ADGRB2: variants seen among roughly 807,000 people sequenced by gnomAD.
The protein encoded by ADGRB2 is adhesion G protein-coupled receptor B2.
In ADGRB2, 47 loss-of-function variants were observed where a neutral mutation model predicts 178.7. The observed-to-expected ratio is 0.26, with a 90% confidence interval of 0.21 to 0.34. The LOEUF is 0.34. ADGRB2 is among the 10% of genes least tolerant of loss of function. The pLI is 1.00. For missense variants in ADGRB2, 1,584 were observed against 2,180.8 expected, an observed-to-expected ratio of 0.73 and a Z score of 5.45; for synonymous variants, 870 against 912.4, an observed-to-expected ratio of 0.95 and a Z score of 0.84.
chr1:31,739,153 T>C lies in ADGRB2; in HGVS notation c.2495+155A>G, dbSNP rs185489065. On this transcript the variant is annotated intron_variant, in intron 15 of 32. Transcript: ENST00000373658. Reference sequence around the variant, plus strand: ...GCCTCTGAGAGCAGTATGGATAAATTTGAGAAGCATGTGTCCAGAGCCAGG... The same window carrying C: ...GCCTCTGAGAGCAGTATGGATAAATCTGAGAAGCATGTGTCCAGAGCCAGG... 3.9e-4 allele frequency: 373 copies of C among 953,636 alleles called. No individual in the cohort carries two copies. In the Admixed American group the frequency reaches 8.0e-3, roughly 20 times the overall value. The allele number at this position is 953,636 out of a possible 1,614,324, so 59.1% of individuals were successfully genotyped here.
Position 31,764,075 on chromosome 1 carries a change from G to C in ADGRB2, c.-382C>G. On this transcript the variant is annotated 5_prime_UTR_variant, in exon 1 of 33. Transcript: ENST00000373658. This position sits in a 1 kb window ranked among gnomAD's most constrained non-coding sequence, Gnocchi z 7.3. The stretch of plus-strand genomic sequence containing the variant: ...CGCCGCGGAGCAGCGCGGGGCGGGC[G>C]GGCGGGCGGCGCCGGGCCGGGCGCG... 1 of 957,298 alleles carries C rather than the reference G, an allele frequency of 1.0e-6. No individual in the cohort carries two copies. Among genetic ancestry groups the C allele is most frequent in the Non-Finnish European group, 1.2e-6 (1 of 809,074 alleles). The allele number at this position is 957,298 out of a possible 1,614,324, so 59.3% of individuals were successfully genotyped here. A position where few individuals can be genotyped will look rare whatever the true frequency, so the allele number is the denominator to read the frequency against.
chr1:31,748,356 C>T (rs1315570702), intron 4 of ADGRB2, among the ~76,000 whole-genome samples: 1 of 152,232 alleles, frequency 6.6e-6, no homozygotes, highest in Non-Finnish European at 1.5e-5. Context: ...CCTGCCTGCC[C>T]CTCCATTCCC....
At chr1:31,748,619 A>G (rs1455904183) in intron 4 of ADGRB2, among the ~76,000 whole-genome samples, 1 of 152,240 alleles carries the variant, frequency 6.6e-6, no homozygotes, top group African/African-American at 2.4e-5. Context: ...GAGTACCCCC[A>G]AGAACTCCTG....
In ADGRB2 at chr1:31,754,437, T is replaced by C. The variant is rs537496819; in HGVS notation, c.838+1562A>G. On this transcript the variant is annotated intron_variant, in intron 4 of 32. Transcript: ENST00000373658. This position sits in a 1 kb window ranked among gnomAD's most constrained non-coding sequence, Gnocchi z 5.7. ...ACAGAGTGACAGGCAGTGGTGGCCA[T>C]GCAGGAAGAGCCATAAGCCTCCTGA... Among the ~76,000 whole-genome samples the C allele has an allele frequency of 2.6e-4, 40 of 152,364 alleles. No individual in the cohort carries two copies. In the South Asian group the frequency reaches 8.1e-3, roughly 31 times the overall value.
chr1:31,728,112 C>A lies in ADGRB2; in HGVS notation c.4516-31G>T. The stretch of plus-strand genomic sequence containing the variant: ...ACGGGGGCCACCGGTCAGGCTCCAA[C>A]CCCAGGGGCCACTGCACCAGGTCAG... On this transcript the variant is annotated intron_variant, in intron 31 of 32. Coordinates refer to ENST00000373658, the MANE Select transcript of ADGRB2 (RefSeq NM_001364857.2). This position sits in a 1 kb window ranked among gnomAD's most constrained non-coding sequence, Gnocchi z 6.7. 1 of 1,612,588 alleles carries A rather than the reference C, an allele frequency of 6.2e-7. No individual in the cohort carries two copies.
In ADGRB2 at chr1:31,732,566, T is replaced by C; in HGVS notation, c.3671A>G (p.Glu1224Gly). ...KCQMGVCRAD[E>G]SEDSPDSCKN... ...ACACGAGTCAGGGGAGTCTTCGCTC[T>C]CATCAGCCCGGCACACCCCCATCTG... The change falls in exon 27 of 33, where the codon GAG (glutamate) becomes GGG (glycine). Residue 1224 changes from glutamate to glycine, a missense_variant. This residue lies in a region of ADGRB2 where 865 missense variants were observed against 1,192.8 expected (regional missense o/e 0.73). Coordinates refer to ENST00000373658, the MANE Select transcript of ADGRB2 (RefSeq NM_001364857.2). 6.2e-7 allele frequency: 1 copy of C among 1,614,154 alleles called. No individual in the cohort carries two copies. The highest frequency in any genetic ancestry group is 8.5e-7 in the Non-Finnish European group (1 of 1,180,026).
chr1:31,733,589 C>G lies in ADGRB2; in HGVS notation c.3453-446G>C, dbSNP rs551722943. On this transcript the variant is annotated intron_variant, in intron 25 of 32. Coordinates refer to ENST00000373658, the MANE Select transcript of ADGRB2 (RefSeq NM_001364857.2). This position sits in a 1 kb window ranked among gnomAD's most constrained non-coding sequence, Gnocchi z 4.3. The stretch of plus-strand genomic sequence containing the variant: ...AACAACCACAGTGAGAGAACGCATG[C>G]GACAGAGACACCCAGACAGAAAGAT... Among the ~76,000 whole-genome samples, 24 of 152,120 alleles carry G rather than the reference C, an allele frequency of 1.6e-4. No homozygotes were observed. The highest frequency in any genetic ancestry group is 2.8e-4 in the Non-Finnish European group (19 of 68,026).
rs1486773896 is a variant in ADGRB2 at position 31,761,708 on chromosome 1, G to T, written c.-191+2176C>A. ...GGAAAAGTGGAGACTGGGGGCTAAA[G>T]GTGTTTCTGTCTTTATTATACTGGG... On this transcript the variant is annotated intron_variant, in intron 1 of 32. Transcript: ENST00000373658. The surrounding 1 kb of genome is among the most constrained non-coding windows in gnomAD (Gnocchi z 4.2). 2.0e-5 allele frequency among the ~76,000 whole-genome samples: 3 copies of T among 152,164 alleles called. No individual in the cohort carries two copies. In the South Asian group the frequency reaches 6.2e-4, roughly 32 times the overall value.
chr1:31,739,522 G>A lies in ADGRB2; in HGVS notation c.2281C>T (p.Leu761=). 6.2e-7 allele frequency: 1 copy of A among 1,613,146 alleles called. No homozygotes were observed. The highest frequency in any genetic ancestry group is 1.1e-5 in the South Asian group (1 of 91,070). Residue 761 remains leucine, a synonymous_variant, in exon 15 of 33, where the codon CTG becomes TTG. Transcript: ENST00000373658. ...WVRHSEDRLF[L]PKEVLSLSSP... ...GAGAGGCTGAGCACCTCCTTGGGCA[G>A]GAAGAGGCGGTCCTCTGAGTGCCGC...
chr1:31,756,455 G>C lies in ADGRB2; in HGVS notation c.382C>G (p.Pro128Ala). Residue 128 changes from proline to alanine, a missense_variant, in exon 4 of 33, where the codon CCA becomes GCA. By Grantham distance (27) the Pro-to-Ala change is conservative (BLOSUM62 -1). Around this residue, in one of 3 missense-constraint regions of ADGRB2, gnomAD observed 657 missense variants for 847.6 expected, o/e 0.78. Transcript: ENST00000373658. This position sits in a 1 kb window ranked among gnomAD's most constrained non-coding sequence, Gnocchi z 8.5. The stretch of plus-strand genomic sequence containing the variant: ...GCCGCCTCTGCCTCCTCCTCTTCTG[G>C]CCGCCCCACCTCTGACTCCGCCTGG... Reference protein sequence around the residue: ...VAQAESEVGRPEEEEAEAAAG... With the variant: ...VAQAESEVGRAEEEEAEAAAG... The C allele has an allele frequency of 6.2e-7, 1 of 1,610,768 alleles. No homozygotes were observed. Among genetic ancestry groups the C allele is most frequent in the Non-Finnish European group, 8.5e-7 (1 of 1,178,540 alleles).
chr1:31,730,829 C>G lies in ADGRB2; in HGVS notation c.4351G>C (p.Gly1451Arg), dbSNP rs745421690. The G allele has an allele frequency of 6.6e-7, 1 of 1,515,790 alleles. No homozygotes were observed. The highest frequency in any genetic ancestry group is 1.3e-5 in the South Asian group (1 of 75,428). The allele number at this position is 1,515,790 out of a possible 1,614,324, so 93.9% of individuals were successfully genotyped here. ...RSRTMPRTVP[G>R]STMKMGSLER... is the part of the protein sequence containing the mutation. Reference sequence around the variant, plus strand: ...AGGGAGCCCATCTTCATGGTAGAGCCGGGCACGGTGCGAGGCATGGTCCGG... The same window carrying G: ...AGGGAGCCCATCTTCATGGTAGAGCGGGGCACGGTGCGAGGCATGGTCCGG... Residue 1451 changes from glycine (G) to arginine (R), a missense_variant, in exon 29 of 33, where the codon GGC (glycine) becomes CGC (arginine). Physicochemically the swap from Gly to Arg is moderately radical, Grantham distance 125. Around this residue, in one of 3 missense-constraint regions of ADGRB2, gnomAD observed 865 missense variants for 1,192.8 expected, o/e 0.73. Transcript: ENST00000373658.
In ADGRB2 at chr1:31,727,205, T is replaced by C; in HGVS notation, c.*215A>G. ...CGGACAGGCTGGGCTGAAGATGGGG[T>C]TCCAGTGGCTGAGGGGCCTCTGAGA... On this transcript the variant is annotated 3_prime_UTR_variant, in exon 33 of 33. Transcript: ENST00000373658. The surrounding 1 kb of genome is among the most constrained non-coding windows in gnomAD (Gnocchi z 4.4). 1 of 508,104 alleles carries C rather than the reference T, an allele frequency of 2.0e-6. No individual in the cohort carries two copies. Among genetic ancestry groups the C allele is most frequent in the Non-Finnish European group, 3.3e-6 (1 of 300,234 alleles). 31.5% of individuals were successfully genotyped at this position (508,104 alleles called of 1,614,324 possible).
chr1:31,735,981 A>T lies in ADGRB2; in HGVS notation c.3201-88T>A. 7.4e-7 allele frequency: 1 copy of T among 1,354,758 alleles called. No individual in the cohort carries two copies. The allele number at this position is 1,354,758 out of a possible 1,614,324, so 83.9% of individuals were successfully genotyped here. On this transcript the variant is annotated intron_variant, in intron 22 of 32. Transcript: ENST00000373658. This position sits in a 1 kb window ranked among gnomAD's most constrained non-coding sequence, Gnocchi z 6.0. ...CATCCCTCAGTCCTCCCAGGCTGCC[A>T]TGCCCGCATCACCAGTGCAGTCTGA...
At chr1:31,736,175 C>T (rs1569826279) in intron 22 of ADGRB2, 146 bp downstream of exon 22, 11 of 1,035,250 alleles carry the variant, frequency 1.1e-5, no homozygotes, top group Non-Finnish European at 1.5e-5. Context: ...CACATTCCCT[C>T]AGTCAGGGAA....
At chr1:31,736,178 T>A in intron 22 of ADGRB2, 143 bp downstream of exon 22, 1 of 1,060,654 alleles carries the variant, frequency 9.4e-7, no homozygotes. Flanking sequence ...ATTCCCTCAG[T>A]CAGGGAAACT....
At chr1:31,763,795 GC>G (rs1647120362) in intron 1 of ADGRB2, 88 bp downstream of exon 1, 5 of 985,010 alleles carry the variant, frequency 5.1e-6, no homozygotes, top group Admixed American at 6.1e-5. Context: ...TTAGGAGAGC[GC>G]CCCGAGTCCG....
In ADGRB2 at chr1:31,759,511, G is replaced by T. The variant is rs1274962902; in HGVS notation, c.-190-2000C>A. On this transcript the variant is annotated intron_variant, in intron 1 of 32. Transcript: ENST00000373658. The surrounding 1 kb of genome is among the most constrained non-coding windows in gnomAD (Gnocchi z 4.3). ...CCACATCCTTCAGAGCCACAGGCTG[G>T]CTTCTCCAGAATGGAGTCACTTTTA... 4.5e-6 allele frequency: 3 copies of T among 661,674 alleles called. No individual in the cohort carries two copies. The highest frequency in any genetic ancestry group is 1.8e-5 in the African/African-American group (1 of 55,890). 41.0% of individuals were successfully genotyped at this position (661,674 alleles called of 1,614,324 possible).
rs925751904 is a variant in ADGRB2, at chr1:31,761,877, C to T, written c.-191+2007G>A. 1.3e-5 allele frequency among the ~76,000 whole-genome samples: 2 copies of T among 152,178 alleles called. No individual in the cohort carries two copies. The highest frequency in any genetic ancestry group is 2.9e-5 in the Non-Finnish European group (2 of 68,042). On this transcript the variant is annotated intron_variant, in intron 1 of 32. Coordinates refer to ENST00000373658, the MANE Select transcript of ADGRB2 (RefSeq NM_001364857.2). This position sits in a 1 kb window ranked among gnomAD's most constrained non-coding sequence, Gnocchi z 4.2. ...TGAGCATTGCTAGGTGCCAGACACTCTATACAAACAACCTAACTTCATTCT... is the reference window on the plus strand; with the variant it reads ...TGAGCATTGCTAGGTGCCAGACACTTTATACAAACAACCTAACTTCATTCT...
intron 29 of ADGRB2, 145 bp downstream of exon 29, chr1:31,730,655 G>T: frequency 1.8e-6 from 2 of 1,138,958 alleles, no homozygotes; most frequent in South Asian, 3.2e-5. Flanking sequence ...GCTGCCATGA[G>T]CAGAAACAGA....
Sources: allele counts gnomAD v4.1 joint callset (sites outside exome capture counted in the v4.1 genomes callset), GRCh38; gene constraint gnomAD v4.1.1; regional missense constraint gnomAD v4.1.1; non-coding constraint Gnocchi (gnomAD v3.1); transcripts MANE v1.5; gene names NCBI Gene and HGNC (gene_info 2026-07-23, HGNC 2026-07-21).